The following NDRG1 variants were observed in gnomAD, a reference collection of about 807,000 sequenced individuals.
NDRG1 encodes protein NDRG1.
Under a neutral mutation model 56.9 loss-of-function variants are expected in NDRG1, and 32 were observed. The observed-to-expected ratio is 0.56, with a 90% CI of 0.42 to 0.76. The LOEUF is 0.76. NDRG1 is among the 30% of genes least tolerant of loss of function. The pLI is 0.00. For missense variants in NDRG1, 507 were observed against 545.7 expected (o/e 0.93, Z 0.71); for synonymous variants, 211 against 204.1 (o/e 1.03, Z -0.29).
chr8:133,253,894 G>A (rs761626033), intron 9 of NDRG1, among the ~76,000 whole-genome samples: 25 of 151,410 alleles, frequency 1.7e-4, no homozygotes, highest in Non-Finnish European at 2.9e-4. Flanking sequence ...TAGAGACAAG[G>A]TGTCACTATG....
chr8:133,255,441 T>A (rs1856318354), intron 8 of NDRG1: 1 of 455,726 alleles, frequency 2.2e-6, no homozygotes, highest in Non-Finnish European at 4.4e-6. Flanking sequence ...CTATTAAAGC[T>A]GTACTGAAGG....
At chr8:133,270,192 G>C (rs776192584) in intron 3 of NDRG1, among the ~76,000 whole-genome samples, 1 of 152,230 alleles carries the variant, frequency 6.6e-6, no homozygotes, top group Non-Finnish European at 1.5e-5. Flanking sequence ...CCTATATGCT[G>C]GCAAGTAGCA....
intron 3 of NDRG1, among the ~76,000 whole-genome samples, chr8:133,274,895 T>C (rs535160733): frequency 8.7e-4 from 132 of 152,222 alleles, no homozygotes; most frequent in Middle Eastern, 6.8e-3. Flanking sequence ...ATGGTACAGG[T>C]CCCCAAAGAT....
chr8:133,280,213 A>T lies in NDRG1; in HGVS notation c.99+19T>A. The T allele has an allele frequency of 6.2e-7, 1 of 1,613,892 alleles. No homozygotes were observed. Among genetic ancestry groups the T allele is most frequent in the South Asian group, 1.1e-5 (1 of 91,078 alleles). Reference sequence around the variant, plus strand: ...AGACGGGATGAGGAAGGGGAAGGAAAGCCACATCCTCTACTTGCCTGGACA... The same window carrying T: ...AGACGGGATGAGGAAGGGGAAGGAATGCCACATCCTCTACTTGCCTGGACA... On this transcript the variant is annotated intron_variant, in intron 3 of 15. Coordinates refer to ENST00000323851, the MANE Select transcript of NDRG1 (RefSeq NM_006096.4).
intron 3 of NDRG1, among the ~76,000 whole-genome samples, chr8:133,269,650 C>T (rs1251987194): frequency 6.6e-6 from 1 of 152,208 alleles, no homozygotes; most frequent in Admixed American, 6.5e-5. Context: ...GCATCCAAAG[C>T]CTGTTCTCTT....
chr8:133,242,241 T>G (rs1212817767), intron 14 of NDRG1, among the ~76,000 whole-genome samples, 167 bp from the exon 15 acceptor site: 3 of 152,166 alleles, frequency 2.0e-5, no homozygotes, highest in African/African-American at 7.2e-5. Flanking sequence ...GGGACAATGA[T>G]GGGAAATTCA....
chr8:133,287,223 C>A (rs1287621490), intron 1 of NDRG1, among the ~76,000 whole-genome samples: 5 of 152,016 alleles, frequency 3.3e-5, no homozygotes, highest in Non-Finnish European at 7.4e-5. Flanking sequence ...CGGCTCAAGC[C>A]AGGGAAAGGG....
intron 13 of NDRG1, among the ~76,000 whole-genome samples, chr8:133,245,206 G>A (rs1337197757): frequency 6.6e-6 from 1 of 152,150 alleles, no homozygotes; most frequent in East Asian, 1.9e-4. Flanking sequence ...ACATTAGACT[G>A]ACGCTGTGGA....
intron 3 of NDRG1, among the ~76,000 whole-genome samples, chr8:133,274,461 G>A (rs932789626): frequency 2.6e-5 from 4 of 152,198 alleles, no homozygotes; most frequent in Admixed American, 6.5e-5. Flanking sequence ...AAAATAAAGC[G>A]ACTCAGACTC....
intron 1 of NDRG1, among the ~76,000 whole-genome samples, chr8:133,294,859 T>A (rs895039214): frequency 3.9e-5 from 6 of 152,202 alleles, no homozygotes; most frequent in Admixed American, 3.9e-4. Context: ...TGCAATTTCC[T>A]TTCGCCCCTC....
intron 4 of NDRG1, 124 bp from the exon 5 acceptor site, chr8:133,262,291 G>T: frequency 2.4e-6 from 3 of 1,267,948 alleles, no homozygotes; most frequent in Admixed American, 2.1e-5. Flanking sequence ...GAACTTAGAA[G>T]AACACAGATG....
chr8:133,280,271 T>C lies in NDRG1; in HGVS notation c.64-4A>G, dbSNP rs1563638378. 2 of 1,614,002 alleles carry C rather than the reference T, an allele frequency of 1.2e-6. No individual in the cohort carries two copies. The highest frequency in any genetic ancestry group is 1.7e-6 in the Non-Finnish European group (2 of 1,179,924). On this transcript the variant is annotated splice_polypyrimidine_tract_variant and splice_region_variant and intron_variant, in intron 2 of 15. Transcript: ENST00000323851. Reference sequence around the variant, plus strand: ...CTTGCAGGAGGCCGGTGATGGTCTGTGAAAAGACAAAAAAAATTGTCAATT... The same window carrying C: ...CTTGCAGGAGGCCGGTGATGGTCTGCGAAAAGACAAAAAAAATTGTCAATT...
chr8:133,245,514 C>T (rs1171025144), intron 13 of NDRG1, among the ~76,000 whole-genome samples: 4 of 152,126 alleles, frequency 2.6e-5, no homozygotes, highest in African/African-American at 7.2e-5. Flanking sequence ...GAGATACAAT[C>T]GGGAGAGTGC....
In NDRG1 at chr8:133,284,103, T is replaced by C. The variant is rs747411454; in HGVS notation, c.63+146A>G. On this transcript the variant is annotated intron_variant, in intron 2 of 15. Coordinates refer to ENST00000323851, the MANE Select transcript of NDRG1 (RefSeq NM_006096.4). ...ATGCTATGTACATGTGTGTGCAGCA[T>C]GTTTGTATGCCGTGTGTATGCTGTA... is the stretch of plus-strand genomic sequence containing the variant. 11 of 751,730 alleles carry C rather than the reference T, an allele frequency of 1.5e-5. No homozygotes were observed. In the Admixed American group the frequency reaches 2.0e-4, roughly 14 times the overall value. The allele number at this position is 751,730 out of a possible 1,614,324, so 46.6% of individuals were successfully genotyped here.
At chr8:133,253,722 GTC>G (rs1355967187) in intron 9 of NDRG1, among the ~76,000 whole-genome samples, 1 of 152,134 alleles carries the variant, frequency 6.6e-6, no homozygotes, top group Non-Finnish European at 1.5e-5. Flanking sequence ...AAGAGACAGG[GTC>G]TCTCTGTCAC....
intron 1 of NDRG1, among the ~76,000 whole-genome samples, chr8:133,291,036 G>A (rs557083605): frequency 2.0e-5 from 3 of 152,286 alleles, no homozygotes; most frequent in East Asian, 3.9e-4. Flanking sequence ...GTTTGTTGTG[G>A]GTGCAGGTGT....
At chr8:133,294,637 G>T (rs1351034072) in intron 1 of NDRG1, among the ~76,000 whole-genome samples, 1 of 150,948 alleles carries the variant, frequency 6.6e-6, no homozygotes, top group African/African-American at 2.5e-5. Context: ...AACCCAGGGG[G>T]GCCCTCAGCT....
At chr8:133,258,837 A>C (rs1563624497) in intron 6 of NDRG1, among the ~76,000 whole-genome samples, 1 of 152,236 alleles carries the variant, frequency 6.6e-6, no homozygotes, top group Non-Finnish European at 1.5e-5. Context: ...TGTGGAGAGA[A>C]AAGCTAAGGA....
At chr8:133,248,856 C>G in intron 10 of NDRG1, 85 bp from the exon 11 acceptor site, 1 of 1,488,762 alleles carries the variant, frequency 6.7e-7, no homozygotes, top group Admixed American at 1.7e-5. Context: ...CCAGGAGGTC[C>G]TGCCAGTGGC....
Sources: gnomAD v4.1 joint callset for allele counts (sites outside exome capture counted in the v4.1 genomes callset) on GRCh38, gnomAD v4.1.1 for gene constraint, MANE v1.5 for transcripts, NCBI Gene and HGNC (gene_info 2026-07-23, HGNC 2026-07-21) for gene names.